Variants in RALYL observed in about 807,000 individuals in gnomAD.
RALYL encodes the protein RNA-binding Raly-like protein.
Under a neutral mutation model 35.1 loss-of-function variants are expected in RALYL, and 29 were observed. The ratio of observed to expected loss-of-function variants is 0.83; its 90% CI spans 0.61 to 1.13. The LOEUF is 1.13. Among genes scored for constraint, RALYL ranks in the 50% most tolerant of loss-of-function variants. The pLI is 0.00. For missense variants in RALYL, 359 were observed against 360.4 expected, an observed-to-expected ratio of 1.00 and a Z score of 0.03; for synonymous variants, 120 against 127.6, an observed-to-expected ratio of 0.94 and a Z score of 0.40.
chr8:84,305,171 A>G (rs930264874), intron 1 of RALYL, among the ~76,000 whole-genome samples: 1 of 152,198 alleles, frequency 6.6e-6, no homozygotes, highest in African/African-American at 2.4e-5. Context: ...CTTTCATCCA[A>G]GTATATAACC....
At chr8:84,651,261 T>G (rs1302932866) in intron 2 of RALYL, among the ~76,000 whole-genome samples, 4 of 151,666 alleles carry the variant, frequency 2.6e-5, no homozygotes, top group Non-Finnish European at 4.4e-5. Flanking sequence ...ATAAAATTTA[T>G]TTAGACCAAT....
intron 2 of RALYL, among the ~76,000 whole-genome samples, chr8:84,743,448 A>T (rs1807844580): frequency 6.6e-6 from 1 of 152,000 alleles, no homozygotes; most frequent in Admixed American, 6.6e-5. Flanking sequence ...CAAAAAAAAA[A>T]AGTGTCTCTT....
chr8:84,915,395 AC>A (rs1848312600), intron 8 of RALYL, among the ~76,000 whole-genome samples: 1 of 151,350 alleles, frequency 6.6e-6, no homozygotes, highest in Admixed American at 6.6e-5. Flanking sequence ...ATAGCTCAAA[AC>A]CCCCTGACAC....
At chr8:84,892,046 G>A (rs887360713) in intron 8 of RALYL, among the ~76,000 whole-genome samples, 1 of 152,184 alleles carries the variant, frequency 6.6e-6, no homozygotes, top group African/African-American at 2.4e-5. Flanking sequence ...AGCTAGTAGG[G>A]TAGCTGTAGG....
Position 84,716,082 on chromosome 8 carries a change from C to T in RALYL, c.257-58497C>T, listed in dbSNP as rs188466200. On this transcript the variant is annotated intron_variant, in intron 2 of 8. Transcript: ENST00000521268. ...GACGATTCTTTTGACCCCTAGTAAA[C>T]CTGAAACTGCCTTAGAGGAACAGCT... Among the ~76,000 whole-genome samples, 233 of 152,158 alleles carry T rather than the reference C, an allele frequency of 1.5e-3. 2 individuals are homozygous for T. The highest frequency in any genetic ancestry group is 5.5e-3 in the African/African-American group (229 of 41,544).
At chr8:84,259,234 C>T (rs1164449858) in intron 1 of RALYL, among the ~76,000 whole-genome samples, 7 of 152,220 alleles carry the variant, frequency 4.6e-5, no homozygotes, top group African/African-American at 9.6e-5. Flanking sequence ...TGAAATGACC[C>T]GCCTTTACAA....
chr8:84,525,917 G>T (rs2058845623), intron 1 of RALYL, among the ~76,000 whole-genome samples: 1 of 142,606 alleles, frequency 7.0e-6, no homozygotes, highest in South Asian at 2.2e-4. Flanking sequence ...TGTATTTTAT[G>T]TGATTGAATG....
Position 84,873,417 on chromosome 8 carries a change from A to T in RALYL, c.685+20A>T. Reference sequence around the variant, plus strand: ...AGGCAGGTAAGTGATCTCTGATCACAGACAGGTCAGAATTGAACCAGTGAA... The same window carrying T: ...AGGCAGGTAAGTGATCTCTGATCACTGACAGGTCAGAATTGAACCAGTGAA... On this transcript the variant is annotated intron_variant, in intron 7 of 8. Transcript: ENST00000521268. 1 of 1,406,808 alleles carries T rather than the reference A, an allele frequency of 7.1e-7. No homozygotes were observed. The highest frequency in any genetic ancestry group is 9.9e-7 in the Non-Finnish European group (1 of 1,007,458). 87.1% of individuals were successfully genotyped at this position (1,406,808 alleles called of 1,614,324 possible).
At chr8:84,474,796 C>T (rs2053196847) in intron 1 of RALYL, among the ~76,000 whole-genome samples, 1 of 152,124 alleles carries the variant, frequency 6.6e-6, no homozygotes, top group Non-Finnish European at 1.5e-5. Flanking sequence ...GAATGTGAAA[C>T]ACACTGTACT....
intron 2 of RALYL, among the ~76,000 whole-genome samples, chr8:84,590,866 A>AT (rs541978128): frequency 3.3e-5 from 5 of 151,774 alleles, no homozygotes; most frequent in African/African-American, 9.7e-5. Flanking sequence ...TCCAGCTTGT[A>AT]TTTTTTTTCA....
intron 2 of RALYL, among the ~76,000 whole-genome samples, chr8:84,668,874 T>TC (rs1230705352): frequency 6.6e-6 from 1 of 151,788 alleles, no homozygotes; most frequent in African/African-American, 2.4e-5. Flanking sequence ...AAGTAGACAA[T>TC]CAAGTATCCA....
rs575675785 is a variant in RALYL, at chr8:84,338,173, A to G, written c.-24+153749A>G. ...TACATTCCTCCATCTTAAAAAAAAA[A>G]CTTTATTTATAATAATCCTGTAAAA... On this transcript the variant is annotated intron_variant, in intron 1 of 8. Coordinates refer to ENST00000521268, the MANE Select transcript of RALYL (RefSeq NM_173848.7). 7.8e-4 allele frequency among the ~76,000 whole-genome samples: 118 copies of G among 151,998 alleles called. 1 individual carries two copies. The highest frequency in any genetic ancestry group is 1.1e-3 in the Non-Finnish European group (74 of 67,954).
At chr8:84,654,346 T>C (rs1422091608) in intron 2 of RALYL, among the ~76,000 whole-genome samples, 1 of 139,696 alleles carries the variant, frequency 7.2e-6, no homozygotes, top group African/African-American at 2.6e-5. Context: ...CTACATGAGA[T>C]ATTTTGATAC....
At chr8:84,296,994 G>T (rs1001048458) in intron 1 of RALYL, among the ~76,000 whole-genome samples, 6 of 151,514 alleles carry the variant, frequency 4.0e-5, no homozygotes, top group Non-Finnish European at 7.4e-5. Flanking sequence ...GAAACTGAAA[G>T]ACTTTGAAGA....
At chr8:84,319,848 TA>T (rs1247925105) in intron 1 of RALYL, among the ~76,000 whole-genome samples, 2 of 140,992 alleles carry the variant, frequency 1.4e-5, no homozygotes, top group Non-Finnish European at 3.2e-5. Flanking sequence ...TTCTGAACTG[TA>T]GTCATAATTT....
At chr8:84,327,260 G>T (rs1845969354) in intron 1 of RALYL, among the ~76,000 whole-genome samples, 1 of 151,912 alleles carries the variant, frequency 6.6e-6, no homozygotes. Context: ...GTTTAATTAG[G>T]AATTTTTCAG....
At chr8:84,525,963 T>C (rs1344041399) in intron 1 of RALYL, among the ~76,000 whole-genome samples, 17 of 145,126 alleles carry the variant, frequency 1.2e-4, no homozygotes, top group African/African-American at 3.6e-4. Flanking sequence ...CTTTTTTTTT[T>C]TTTTTTTTTT....
chr8:84,425,413 C>T (rs1224546479), intron 1 of RALYL, among the ~76,000 whole-genome samples: 2 of 152,190 alleles, frequency 1.3e-5, no homozygotes, highest in Non-Finnish European at 2.9e-5. Flanking sequence ...TCGGCTCGCG[C>T]ACGGTGCGCT....
At chr8:84,457,656 C>G (rs1338512476) in intron 1 of RALYL, among the ~76,000 whole-genome samples, 5 of 151,758 alleles carry the variant, frequency 3.3e-5, no homozygotes, top group Non-Finnish European at 2.9e-5. Flanking sequence ...TACGCCTTGT[C>G]TTAACCTCAG....
Sources: allele counts gnomAD v4.1 joint callset (sites outside exome capture counted in the v4.1 genomes callset), GRCh38; gene constraint gnomAD v4.1.1; transcripts MANE v1.5; gene names NCBI Gene and HGNC (gene_info 2026-07-23, HGNC 2026-07-21).